Variants in ITFG1 observed in about 807,000 individuals in gnomAD.
The protein encoded by ITFG1 is T-cell immunomodulatory protein.
ITFG1 carries 34 observed loss-of-function variants against 81.8 expected under a neutral mutation model. The ratio of observed to expected loss-of-function variants is 0.42; its 90% CI spans 0.32 to 0.55. ITFG1 has a LOEUF of 0.55. ITFG1 is among the 20% of genes least tolerant of loss of function. ITFG1 has a pLI of 0.17. For synonymous variants in ITFG1, 285 were observed against 270.6 expected (o/e 1.05, Z -0.52); for missense variants, 672 against 755.4 (o/e 0.89, Z 1.29).
chr16:47,180,092 G>A (rs1320187804), intron 14 of ITFG1, among the ~76,000 whole-genome samples: 1 of 152,122 alleles, frequency 6.6e-6, no homozygotes, highest in Non-Finnish European at 1.5e-5. Context: ...TCATTTTCAC[G>A]CTCTATTCCC....
chr16:47,192,688 G>GT (rs1201760037), intron 14 of ITFG1, among the ~76,000 whole-genome samples: 2 of 152,170 alleles, frequency 1.3e-5, no homozygotes, highest in African/African-American at 2.4e-5. Context: ...ACCCAGCTTG[G>GT]TTAGGTGTTG....
intron 8 of ITFG1, among the ~76,000 whole-genome samples, chr16:47,339,025 G>A (rs576483630): frequency 6.6e-6 from 1 of 152,174 alleles, no homozygotes; most frequent in East Asian, 1.9e-4. Flanking sequence ...TTAATTTTTA[G>A]ATCCCATAAA....
intron 6 of ITFG1, among the ~76,000 whole-genome samples, chr16:47,403,915 C>T (rs1968695718): frequency 6.6e-6 from 1 of 151,606 alleles, no homozygotes; most frequent in African/African-American, 2.4e-5. Flanking sequence ...CATGGCATCA[C>T]CCTCAGAAGG....
At chr16:47,234,821 A>G (rs769837692) in intron 13 of ITFG1, among the ~76,000 whole-genome samples, 3 of 152,124 alleles carry the variant, frequency 2.0e-5, no homozygotes, top group African/African-American at 4.8e-5. Context: ...TAATCCCCAC[A>G]TGTCATGGGA....
rs1007667966 is a variant in ITFG1 at position 47,393,339 on chromosome 16, G to A, written c.656-17399C>T. On this transcript the variant is annotated intron_variant, in intron 6 of 17. Transcript: ENST00000320640. Reference sequence around the variant, plus strand: ...TAGATAACTAGCAGTGCGATGCTATGAGGCAGTGCACCATACACTATCCAA... The same window carrying A: ...TAGATAACTAGCAGTGCGATGCTATAAGGCAGTGCACCATACACTATCCAA... Among the ~76,000 whole-genome samples the A allele has an allele frequency of 2.0e-5, 3 of 152,126 alleles. No homozygotes were observed. In the South Asian group the frequency reaches 6.2e-4, roughly 32 times the overall value.
rs1185294113 is a variant in ITFG1, at chr16:47,155,645, A to G, written c.*74T>C. 2 of 957,966 alleles carry G rather than the reference A, an allele frequency of 2.1e-6. No individual in the cohort carries two copies. Among genetic ancestry groups the G allele is most frequent in the Non-Finnish European group, 3.2e-6 (2 of 617,170 alleles). 59.3% of individuals were successfully genotyped at this position (957,966 alleles called of 1,614,324 possible). A position where few individuals can be genotyped will look rare whatever the true frequency, so the allele number is the denominator to read the frequency against. ...TTATAAATAATATTTAATCTCCCCT[A>G]TTTTTTCAAGCCAGAATTTGTGTTT... On this transcript the variant is annotated 3_prime_UTR_variant, in exon 18 of 18. Coordinates refer to ENST00000320640, the MANE Select transcript of ITFG1 (RefSeq NM_030790.5).
At chr16:47,373,435 C>A (rs1346634460) in intron 7 of ITFG1, among the ~76,000 whole-genome samples, 1 of 152,128 alleles carries the variant, frequency 6.6e-6, no homozygotes, top group Non-Finnish European at 1.5e-5. Context: ...GTGTGCACCA[C>A]TATACCAAGC....
chr16:47,354,313 C>T (rs528900197), intron 8 of ITFG1, among the ~76,000 whole-genome samples: 2 of 152,196 alleles, frequency 1.3e-5, no homozygotes, highest in South Asian at 4.1e-4. Flanking sequence ...AGGACAGTCT[C>T]TTCAATAAAT....
chr16:47,444,013 C>G (rs1969290372), intron 5 of ITFG1, among the ~76,000 whole-genome samples: 1 of 152,132 alleles, frequency 6.6e-6, no homozygotes, highest in South Asian at 2.1e-4. Flanking sequence ...TTCACAAAGC[C>G]AGTCCTTCCT....
At chr16:47,361,776 G>A (rs868642716) in intron 8 of ITFG1, among the ~76,000 whole-genome samples, 1 of 152,054 alleles carries the variant, frequency 6.6e-6, no homozygotes, top group East Asian at 1.9e-4. Flanking sequence ...GTCTTTTCTT[G>A]GTCTTCTTTT....
At chr16:47,442,701 G>T (rs561260553) in intron 5 of ITFG1, among the ~76,000 whole-genome samples, 332 of 152,146 alleles carry the variant, frequency 2.2e-3, no homozygotes, top group Non-Finnish European at 3.6e-3. Flanking sequence ...TAGCCATATG[G>T]AGAAAGCTGA....
At chr16:47,222,609 T>G (rs964967268) in intron 13 of ITFG1, among the ~76,000 whole-genome samples, 1 of 152,100 alleles carries the variant, frequency 6.6e-6, no homozygotes, top group African/African-American at 2.4e-5. Context: ...GAGACGGGGT[T>G]TCACCATGTT....
intron 7 of ITFG1, among the ~76,000 whole-genome samples, chr16:47,375,286 C>T (rs1968309059): frequency 6.6e-6 from 1 of 152,034 alleles, no homozygotes; most frequent in Non-Finnish European, 1.5e-5. Flanking sequence ...ACTATGTAGC[C>T]TGAAATTTAA....
At chr16:47,347,247 A>G (rs1967869996) in intron 8 of ITFG1, among the ~76,000 whole-genome samples, 1 of 152,262 alleles carries the variant, frequency 6.6e-6, no homozygotes. Flanking sequence ...AGGGCGAGGC[A>G]TCGCCCCACC....
intron 5 of ITFG1, among the ~76,000 whole-genome samples, chr16:47,445,043 A>C (rs1969305725): frequency 6.6e-6 from 1 of 151,774 alleles, no homozygotes; most frequent in African/African-American, 2.4e-5. Context: ...ATCCGAATTC[A>C]GAATACATCA....
chr16:47,342,798 C>T (rs973431210), intron 8 of ITFG1, among the ~76,000 whole-genome samples: 2 of 151,986 alleles, frequency 1.3e-5, no homozygotes, highest in Admixed American at 6.5e-5. Flanking sequence ...TAAATTTAAC[C>T]TAAGAGTTGA....
At chr16:47,336,506 A>G (rs1967705657) in intron 8 of ITFG1, among the ~76,000 whole-genome samples, 1 of 152,234 alleles carries the variant, frequency 6.6e-6, no homozygotes, top group South Asian at 2.1e-4. Flanking sequence ...GAAGATGGAC[A>G]GAAGGTGCTT....
intron 16 of ITFG1, among the ~76,000 whole-genome samples, chr16:47,160,898 AT>A (rs1964794668): frequency 6.6e-6 from 1 of 152,184 alleles, no homozygotes; most frequent in Admixed American, 6.5e-5. Context: ...CAATCAATAC[AT>A]TCGATCGAGA....
At chr16:47,317,132 A>G (rs1288978019) in intron 8 of ITFG1, among the ~76,000 whole-genome samples, 1 of 152,208 alleles carries the variant, frequency 6.6e-6, no homozygotes, top group African/African-American at 2.4e-5. Flanking sequence ...GAACTAACAA[A>G]CACATGCTAA....
Sources: allele counts gnomAD v4.1 joint callset (sites outside exome capture counted in the v4.1 genomes callset), GRCh38; gene constraint gnomAD v4.1.1; transcripts MANE v1.5; gene names NCBI Gene and HGNC (gene_info 2026-07-23, HGNC 2026-07-21).